Variants in IL1RAPL1 observed in about 807,000 individuals in gnomAD.
IL1RAPL1 encodes the protein interleukin-1 receptor accessory protein-like 1.
A neutral mutation model predicts 48.4 loss-of-function variants in IL1RAPL1; 3 were observed. The ratio of observed to expected loss-of-function variants is 0.06; its 90% CI spans 0.03 to 0.16. The LOEUF is 0.16. Ranked by LOEUF, IL1RAPL1 falls within the 10% of genes least tolerant of loss-of-function variation. The pLI, the probability that IL1RAPL1 is intolerant of heterozygous loss-of-function variation, is 1.00. For missense variants in IL1RAPL1, 349 were observed against 530.6 expected, an observed-to-expected ratio of 0.66 and a Z score of 3.36; for synonymous variants, 185 against 187.7, an observed-to-expected ratio of 0.99 and a Z score of 0.12.
intron 2 of IL1RAPL1, among the ~76,000 whole-genome samples, chrX:29,082,621 A>G (rs760153336): frequency 8.9e-6 from 1 of 111,879 alleles, no homozygotes; most frequent in African/African-American, 3.2e-5. Flanking sequence ...TCTACAACCC[A>G]TTCTATGGCA....
chrX:28,728,568 G>A (rs1935710780), intron 1 of IL1RAPL1, among the ~76,000 whole-genome samples: 1 of 111,565 alleles, frequency 9.0e-6, no homozygotes, highest in South Asian at 3.7e-4. Context: ...ACTCCAAGAA[G>A]TTTCTTTATT....
intron 9 of IL1RAPL1, among the ~76,000 whole-genome samples, chrX:29,952,834 T>A (rs1933345307): frequency 8.9e-6 from 1 of 112,494 alleles, no homozygotes; most frequent in Non-Finnish European, 1.9e-5. Flanking sequence ...TTTAAAAAAC[T>A]CTTCTATAGC....
intron 2 of IL1RAPL1, among the ~76,000 whole-genome samples, chrX:29,252,430 G>T (rs1158644153): frequency 1.8e-5 from 2 of 114,064 alleles, no homozygotes; most frequent in South Asian, 3.4e-4. Context: ...AATGTTGTAT[G>T]TCTGGTTAAA....
chrX:29,697,531 G>GGT (rs1229157505), intron 6 of IL1RAPL1, among the ~76,000 whole-genome samples: 1 of 111,662 alleles, frequency 9.0e-6, no homozygotes, highest in Non-Finnish European at 1.9e-5. Context: ...GTGTGCTTGT[G>GGT]GTGTGTACTA....
chrX:29,062,931 C>T (rs1415394724), intron 2 of IL1RAPL1, among the ~76,000 whole-genome samples: 2 of 111,508 alleles, frequency 1.8e-5, no homozygotes, highest in Non-Finnish European at 3.8e-5. Context: ...CAAGTGTATC[C>T]ATATGGATTC....
At chrX:29,744,418 G>A (rs1569158585) in intron 6 of IL1RAPL1, among the ~76,000 whole-genome samples, 1 of 112,156 alleles carries the variant, frequency 8.9e-6, no homozygotes. Context: ...ATACCTCTAA[G>A]CCTTTGTCCC....
chrX:29,634,027 G>A (rs186752652), intron 5 of IL1RAPL1, among the ~76,000 whole-genome samples: 48 of 111,789 alleles, frequency 4.3e-4, no homozygotes, highest in African/African-American at 1.1e-3. Flanking sequence ...TCATGATAGC[G>A]GAAATATAAA....
intron 5 of IL1RAPL1, among the ~76,000 whole-genome samples, chrX:29,555,668 A>C (rs1432208237): frequency 8.9e-6 from 1 of 111,991 alleles, no homozygotes; most frequent in Non-Finnish European, 1.9e-5. Context: ...AGAACATGTT[A>C]AGATTAGCTC....
At chrX:29,454,279 C>G (rs1934713979) in intron 5 of IL1RAPL1, among the ~76,000 whole-genome samples, 1 of 111,841 alleles carries the variant, frequency 8.9e-6, no homozygotes, top group African/African-American at 3.3e-5. Flanking sequence ...AAATAGATTC[C>G]CTTAAATATG....
chrX:29,790,655 T>A (rs1293415621), intron 6 of IL1RAPL1, among the ~76,000 whole-genome samples: 2 of 111,971 alleles, frequency 1.8e-5, no homozygotes, highest in African/African-American at 6.5e-5. Flanking sequence ...TCCTTGGTTT[T>A]TCCTCTCCTA....
intron 3 of IL1RAPL1, among the ~76,000 whole-genome samples, chrX:29,321,408 T>C (rs1932802854): frequency 8.9e-6 from 1 of 112,049 alleles, no homozygotes; most frequent in African/African-American, 3.2e-5. Context: ...CATTTACAAT[T>C]GTTAAAAGGA....
chrX:29,926,943 T>C (rs1023989996), intron 8 of IL1RAPL1, among the ~76,000 whole-genome samples: 2 of 112,042 alleles, frequency 1.8e-5, no homozygotes, highest in East Asian at 2.8e-4. Context: ...ACAAGTATTT[T>C]AATCTTGAAA....
intron 6 of IL1RAPL1, among the ~76,000 whole-genome samples, chrX:29,764,177 T>C (rs1032460282): frequency 9.0e-6 from 1 of 111,663 alleles, no homozygotes; most frequent in African/African-American, 3.2e-5. Context: ...GTGGTTTTCA[T>C]TGATAGTCAT....
chrX:28,767,770 A>G (rs774266719), intron 1 of IL1RAPL1, among the ~76,000 whole-genome samples: 1 of 110,342 alleles, frequency 9.1e-6, no homozygotes, highest in Non-Finnish European at 1.9e-5. Flanking sequence ...TTCATATTCA[A>G]AAGCTAAGCA....
At position 28,696,959 on chromosome X, in the gene IL1RAPL1, G is replaced by A. The variant is rs190708268; in HGVS notation, c.-24-92361G>A. 1.3e-4 allele frequency among the ~76,000 whole-genome samples: 14 copies of A among 111,733 alleles called. No individual in the cohort carries two copies. In the East Asian group the frequency reaches 4.0e-3, roughly 32 times the overall value. ...CTGTGGAATAGATTCCAAAGCATGA[G>A]CATGATTGGGTAAAGAAGATGAGTC... On this transcript the variant is annotated intron_variant, in intron 1 of 10. Transcript: ENST00000378993.
chrX:29,000,845 T>C (rs779092732), intron 2 of IL1RAPL1, among the ~76,000 whole-genome samples: 26 of 109,591 alleles, frequency 2.4e-4, no homozygotes, highest in Admixed American at 1.5e-3. Context: ...TTTTTTTTTT[T>C]CCAAAAAGGA....
chrX:28,824,463 A>G (rs1254167461), intron 2 of IL1RAPL1, among the ~76,000 whole-genome samples: 1 of 110,704 alleles, frequency 9.0e-6, no homozygotes, highest in Non-Finnish European at 1.9e-5. Flanking sequence ...TATGTGTCTC[A>G]ACCCCTTTTA....
intron 3 of IL1RAPL1, among the ~76,000 whole-genome samples, chrX:29,316,022 A>G (rs977394853): frequency 3.6e-5 from 4 of 112,182 alleles, no homozygotes; most frequent in Admixed American, 9.5e-5. Context: ...AGTGTTGACT[A>G]TAGGCAGCTT....
At chrX:29,629,111 G>C (rs1329667880) in intron 5 of IL1RAPL1, among the ~76,000 whole-genome samples, 1 of 111,905 alleles carries the variant, frequency 8.9e-6, no homozygotes, top group African/African-American at 3.2e-5. Flanking sequence ...CTTATTTCCT[G>C]GACCTGGCAT....
Sources: gnomAD v4.1 joint callset for allele counts (sites outside exome capture counted in the v4.1 genomes callset) on GRCh38, gnomAD v4.1.1 for gene constraint, MANE v1.5 for transcripts, NCBI Gene and HGNC (gene_info 2026-07-23, HGNC 2026-07-21) for gene names.